The following RBM33 variants were observed in gnomAD, a reference collection of about 807,000 sequenced individuals.
RBM33 encodes the protein RNA binding motif protein 33.
A neutral mutation model predicts 132.6 loss-of-function variants in RBM33; 28 were observed. The observed-to-expected ratio is 0.21, with a 90% CI of 0.16 to 0.29. The LOEUF (loss-of-function observed/expected upper bound fraction) is 0.29, where lower values mean the gene tolerates loss of function less well. Among genes scored for constraint, RBM33 ranks in the 10% least tolerant of loss-of-function variants. The pLI is 1.00. For synonymous variants in RBM33, 634 were observed against 593.0 expected, an observed-to-expected ratio of 1.07 and a Z score of -1.01; for missense variants, 1,291 against 1,518.5, an observed-to-expected ratio of 0.85 and a Z score of 2.49.
In RBM33 at chr7:155,681,924, G is replaced by GT. The variant is rs1255316906; in HGVS notation, c.567+1029dup. 7.3e-3 allele frequency among the ~76,000 whole-genome samples: 1,063 copies of GT among 146,192 alleles called. 3 individuals are homozygous for GT. The highest frequency in any genetic ancestry group is 0.011 in the Middle Eastern group (3 of 284). On this transcript the variant is annotated intron_variant, in intron 5 of 17. Transcript: ENST00000401878. ...ATGATTGTATTTAGGTGTCTCAGTA[G>GT]TTTTTTTTTTTTTCTAGACGGACTC... is the stretch of plus-strand genomic sequence containing the variant.
At chr7:155,645,078 A>G (rs563557874) in intron 1 of RBM33, 159 bp downstream of exon 1, 45 of 528,874 alleles carry the variant, frequency 8.5e-5, no homozygotes, top group African/African-American at 8.3e-4. Context: ...TTCCCTCGCT[A>G]TTGTCATTCT....
rs147535686 is a variant in RBM33, at chr7:155,762,604, C to A, written c.2980-1208C>A. On this transcript the variant is annotated intron_variant, in intron 14 of 17. Transcript: ENST00000401878. The stretch of plus-strand genomic sequence containing the variant: ...TTTCTTTGTACAGTCTTAGCAGAAA[C>A]AAGCTACATCCATCTTGCCCCAATC... Among the ~76,000 whole-genome samples, 43 of 152,310 alleles carry A rather than the reference C, an allele frequency of 2.8e-4. No individual in the cohort carries two copies. The East Asian group carries it at 7.9e-3, about 28-fold the overall frequency.
chr7:155,682,213 G>C (rs1799356480), intron 5 of RBM33, among the ~76,000 whole-genome samples: 1 of 152,148 alleles, frequency 6.6e-6, no homozygotes, highest in Admixed American at 6.6e-5. Flanking sequence ...GAGCCTCGGT[G>C]CCTGGCCCTC....
intron 4 of RBM33, among the ~76,000 whole-genome samples, chr7:155,679,051 A>G (rs1032627847): frequency 6.6e-6 from 1 of 152,194 alleles, no homozygotes; most frequent in African/African-American, 2.4e-5. Flanking sequence ...CCGCGCCTAT[A>G]GTCCCAGCTA....
At chr7:155,651,705 G>C (rs928718269) in intron 1 of RBM33, among the ~76,000 whole-genome samples, 1 of 151,730 alleles carries the variant, frequency 6.6e-6, no homozygotes, top group African/African-American at 2.4e-5. Flanking sequence ...GCCTCTTCTC[G>C]GCTACCCAAG....
At chr7:155,684,486 A>T (rs1585434614) in intron 5 of RBM33, among the ~76,000 whole-genome samples, 1 of 152,218 alleles carries the variant, frequency 6.6e-6, no homozygotes, top group South Asian at 2.1e-4. Context: ...ATGGAGAAAC[A>T]TACTAATCAC....
At chr7:155,691,734 C>T (rs1001274841) in intron 5 of RBM33, among the ~76,000 whole-genome samples, 2 of 152,084 alleles carry the variant, frequency 1.3e-5, no homozygotes, top group African/African-American at 2.4e-5. Context: ...CTAATTAATA[C>T]ATTAAAACAA....
chr7:155,659,708 T>C (rs1265962552), intron 1 of RBM33, among the ~76,000 whole-genome samples: 1 of 151,898 alleles, frequency 6.6e-6, no homozygotes, highest in African/African-American at 2.4e-5. Context: ...CATATACAAA[T>C]ATATAGCTAA....
intron 8 of RBM33, among the ~76,000 whole-genome samples, chr7:155,716,347 C>A (rs921820046): frequency 1.6e-5 from 1 of 63,282 alleles, no homozygotes; most frequent in Non-Finnish European, 3.3e-5. Flanking sequence ...AGGGAAAAGG[C>A]TGGTACTTTG....
At chr7:155,694,406 TGA>T (rs1261896364) in intron 5 of RBM33, among the ~76,000 whole-genome samples, 1 of 152,180 alleles carries the variant, frequency 6.6e-6, no homozygotes, top group Non-Finnish European at 1.5e-5. Context: ...GAGGAAGAAA[TGA>T]GAGAAGCTTT....
intron 16 of RBM33, among the ~76,000 whole-genome samples, chr7:155,769,289 A>G (rs28649765): frequency 0.18 from 26,859 of 152,192 alleles, 2,420 homozygotes; most frequent in East Asian, 0.28. Flanking sequence ...GAACTGAAAG[A>G]AGCAAGAAAC....
Position 155,741,779 on chromosome 7 carries a change from T to C in RBM33, c.2050-40T>C, listed in dbSNP as rs745909146. The C allele has an allele frequency of 5.9e-5, 92 of 1,566,820 alleles. 1 individual carries two copies. The Middle Eastern group carries it at 1.5e-3, about 26-fold the overall frequency. On this transcript the variant is annotated intron_variant, in intron 12 of 17. Transcript: ENST00000401878. ...GCCTTTTAATGTTCCTTCTGCCAAG[T>C]TTCCACTTACAATTAGAATCTCTTT...
intron 14 of RBM33, chr7:155,746,598 T>A (rs1801523741): frequency 6.6e-6 from 1 of 152,226 alleles, no homozygotes; most frequent in Non-Finnish European, 1.5e-5. Context: ...TGCAGAAGAT[T>A]CTTCCATAAA....
intron 16 of RBM33, among the ~76,000 whole-genome samples, chr7:155,767,839 G>T (rs1010165742): frequency 6.6e-5 from 10 of 152,224 alleles, no homozygotes; most frequent in Non-Finnish European, 1.5e-4. Context: ...TCATAATCTG[G>T]ATTAATTTGC....
chr7:155,766,918 T>C, intron 16 of RBM33: 1 of 488,944 alleles, frequency 2.0e-6, no homozygotes, highest in South Asian at 2.6e-5. Flanking sequence ...ATCCTTTTAA[T>C]TGTCATAGAA....
intron 9 of RBM33, among the ~76,000 whole-genome samples, chr7:155,734,452 G>A (rs1019978440): frequency 6.6e-6 from 1 of 152,090 alleles, no homozygotes; most frequent in Non-Finnish European, 1.5e-5. Flanking sequence ...AGTTTCCAGA[G>A]GTGTTATTAA....
At chr7:155,730,972 G>A (rs1248984618) in intron 9 of RBM33, among the ~76,000 whole-genome samples, 3 of 151,696 alleles carry the variant, frequency 2.0e-5, no homozygotes, top group Admixed American at 1.3e-4. Flanking sequence ...GAATTTTATG[G>A]AAAACTAAGT....
chr7:155,763,346 G>A (rs1362734258), intron 14 of RBM33, among the ~76,000 whole-genome samples: 2 of 152,316 alleles, frequency 1.3e-5, no homozygotes, highest in Non-Finnish European at 1.5e-5. Flanking sequence ...ACTTACAGTC[G>A]CAACCAGCAG....
At chr7:155,698,525 G>A (rs1360428305) in intron 5 of RBM33, among the ~76,000 whole-genome samples, 3 of 152,224 alleles carry the variant, frequency 2.0e-5, no homozygotes, top group Non-Finnish European at 2.9e-5. Flanking sequence ...ATGGGCTGCA[G>A]TTAAGCAAGT....
Sources: allele counts gnomAD v4.1 joint callset (sites outside exome capture counted in the v4.1 genomes callset), GRCh38; gene constraint gnomAD v4.1.1; transcripts MANE v1.5; gene names NCBI Gene and HGNC (gene_info 2026-07-23, HGNC 2026-07-21).